USH2A: variants seen among roughly 807,000 people sequenced by gnomAD.
USH2A encodes the protein usherin.
A neutral mutation model predicts 538.9 loss-of-function variants in USH2A; 443 were observed. The ratio of observed to expected loss-of-function variants is 0.82; its 90% CI spans 0.76 to 0.89. USH2A has a LOEUF of 0.89. Among genes scored for constraint, USH2A ranks in the 40% least tolerant of loss-of-function variants. USH2A has a pLI of 0.00. For missense variants in USH2A, 6,633 were observed against 6,324.8 expected, an observed-to-expected ratio of 1.05 and a Z score of -1.65; for synonymous variants, 2,413 against 2,273.5, an observed-to-expected ratio of 1.06 and a Z score of -1.75.
intron 47 of USH2A, among the ~76,000 whole-genome samples, chr1:215,828,116 T>C (rs1663206322): frequency 6.6e-6 from 1 of 152,106 alleles, no homozygotes; most frequent in East Asian, 1.9e-4. Flanking sequence ...AGCTCTGACC[T>C]CTTGAACCAT....
At chr1:216,188,174 G>C (rs573375998) in intron 20 of USH2A, among the ~76,000 whole-genome samples, 7 of 151,198 alleles carry the variant, frequency 4.6e-5, no homozygotes, top group Admixed American at 4.6e-4. Context: ...GAGCACCCAG[G>C]TACATCATCT....
At chr1:215,644,826 A>T (rs2102639863) in intron 67 of USH2A, among the ~76,000 whole-genome samples, 1 of 152,304 alleles carries the variant, frequency 6.6e-6, no homozygotes, top group Non-Finnish European at 1.5e-5. Context: ...TTCCTCAGGA[A>T]AGTTTTGCTG....
At chr1:215,812,638 C>T (rs996986131) in intron 49 of USH2A, among the ~76,000 whole-genome samples, 3 of 152,114 alleles carry the variant, frequency 2.0e-5, no homozygotes, top group African/African-American at 7.2e-5. Context: ...AAAAACTTGG[C>T]TTTCTTGTCT....
intron 9 of USH2A, among the ~76,000 whole-genome samples, chr1:216,319,645 A>T (rs900052725): frequency 2.0e-5 from 3 of 152,212 alleles, no homozygotes; most frequent in African/African-American, 7.2e-5. Flanking sequence ...ATAGAAAGAA[A>T]GAAAGAAAGT....
intron 20 of USH2A, among the ~76,000 whole-genome samples, chr1:216,181,799 A>C (rs1485326779): frequency 2.0e-5 from 3 of 152,148 alleles, no homozygotes; most frequent in African/African-American, 7.2e-5. Flanking sequence ...TGCTTCTCTG[A>C]CAGCAAAGTA....
intron 27 of USH2A, among the ~76,000 whole-genome samples, chr1:216,075,043 T>C (rs1444881203): frequency 6.6e-6 from 1 of 152,078 alleles, no homozygotes; most frequent in African/African-American, 2.4e-5. Flanking sequence ...GTTTAAAAAA[T>C]TAAAAATTTA....
At chr1:215,954,351 T>C (rs181713844) in intron 37 of USH2A, among the ~76,000 whole-genome samples, 2 of 152,156 alleles carry the variant, frequency 1.3e-5, no homozygotes, top group Admixed American at 1.3e-4. Context: ...TAAGAAAGTG[T>C]GGCACAAATA....
At chr1:215,783,053 G>A (rs557765773) in intron 52 of USH2A, 118 bp from the exon 53 acceptor site, 30 of 863,514 alleles carry the variant, frequency 3.5e-5, no homozygotes, top group Middle Eastern at 3.4e-4. Context: ...TGCTCTAAAC[G>A]CTTTGTATAT....
chr1:216,007,568 A>G (rs1200665903), intron 32 of USH2A, among the ~76,000 whole-genome samples: 1 of 152,202 alleles, frequency 6.6e-6, no homozygotes, highest in African/African-American at 2.4e-5. Context: ...GTAGAGTCCC[A>G]GGTCGGGGGC....
At chr1:216,216,144 C>A (rs1389118933) in intron 15 of USH2A, among the ~76,000 whole-genome samples, 6 of 152,130 alleles carry the variant, frequency 3.9e-5, no homozygotes, top group African/African-American at 1.4e-4. Context: ...TATTGCTAAT[C>A]AATAAATGAC....
chr1:215,993,219 A>G, intron 34 of USH2A, 52 bp from the exon 35 acceptor site: 2 of 1,613,638 alleles, frequency 1.2e-6, no homozygotes, highest in African/African-American at 1.3e-5. Context: ...AAAAGTTTTC[A>G]TGAACATTGA....
rs780709921 is a variant in USH2A at position 215,867,133 on chromosome 1, T to G, written c.8719A>C (p.Ser2907Arg). Reference protein sequence around the residue: ...TYEYMLFVHNSVGFTPSREVT... With the variant: ...TYEYMLFVHNRVGFTPSREVT... ...TCTCGGCTCGGTGTAAAACCCACAC[T>G]GTTGTGTACGAAGAGCATATATTCA... is the stretch of plus-strand genomic sequence containing the variant. Residue 2907 changes from serine to arginine, a missense_variant, in exon 44 of 72, where the codon AGT becomes CGT. Physicochemically the swap from Ser to Arg is moderately radical, Grantham distance 110 (BLOSUM62 -1). Transcript: ENST00000307340. 7 of 1,614,024 alleles carry G rather than the reference T, an allele frequency of 4.3e-6. No individual in the cohort carries two copies. The highest frequency in any genetic ancestry group is 3.3e-4 in the Middle Eastern group (2 of 6,084).
Position 216,090,564 on chromosome 1 carries a change from G to A in USH2A, c.4759-1425C>T, listed in dbSNP as rs186307314. ...GACCATCTGGCAAGTTCTAGTCTTCGTATTTTTGTAGGTTGACTTTCCTTA... is the reference window on the plus strand; with the variant it reads ...GACCATCTGGCAAGTTCTAGTCTTCATATTTTTGTAGGTTGACTTTCCTTA... On this transcript the variant is annotated intron_variant, in intron 22 of 71. Transcript: ENST00000307340. Among the ~76,000 whole-genome samples the A allele has an allele frequency of 1.0e-3, 153 of 151,998 alleles. 1 individual carries two copies. Among genetic ancestry groups the A allele is most frequent in the African/African-American group, 3.3e-3 (138 of 41,466 alleles).
At chr1:216,069,240 G>T (rs1023093836) in intron 30 of USH2A, among the ~76,000 whole-genome samples, 6 of 152,042 alleles carry the variant, frequency 3.9e-5, no homozygotes, top group African/African-American at 1.2e-4. Context: ...AGAAGTGAAG[G>T]GTGTGAATTT....
intron 32 of USH2A, among the ~76,000 whole-genome samples, chr1:216,020,985 G>T (rs1668832202): frequency 6.6e-6 from 1 of 152,088 alleles, no homozygotes; most frequent in Non-Finnish European, 1.5e-5. Flanking sequence ...GGCTAAAGTG[G>T]GGACTCAATA....
chr1:215,929,825 T>A (rs1558166770), intron 38 of USH2A, among the ~76,000 whole-genome samples: 1 of 152,034 alleles, frequency 6.6e-6, no homozygotes, highest in East Asian at 1.9e-4. Flanking sequence ...TCCTTGTTTC[T>A]AGGACTCCAA....
intron 21 of USH2A, among the ~76,000 whole-genome samples, chr1:216,141,542 G>A (rs1005342000): frequency 2.5e-4 from 38 of 152,136 alleles, no homozygotes; most frequent in African/African-American, 8.2e-4. Context: ...ACTCCATAAG[G>A]GTCTTGGCAA....
chr1:216,136,932 T>C (rs2033497042), intron 21 of USH2A, among the ~76,000 whole-genome samples: 1 of 152,174 alleles, frequency 6.6e-6, no homozygotes, highest in African/African-American at 2.4e-5. Context: ...CTTCTAGCCT[T>C]CAGAATTGTG....
chr1:215,922,881 T>C (rs1203582533), intron 38 of USH2A, among the ~76,000 whole-genome samples: 3 of 152,052 alleles, frequency 2.0e-5, no homozygotes, highest in Non-Finnish European at 2.9e-5. Context: ...ACAAGAGTTA[T>C]TACTAGAACT....
Sources: allele counts gnomAD v4.1 joint callset (sites outside exome capture counted in the v4.1 genomes callset), GRCh38; gene constraint gnomAD v4.1.1; transcripts MANE v1.5; gene names NCBI Gene and HGNC (gene_info 2026-07-23, HGNC 2026-07-21).